Variants in DPP8 observed in about 807,000 individuals in gnomAD.
DPP8 encodes DPP VIII.
A neutral mutation model predicts 107.5 loss-of-function variants in DPP8; 31 were observed. That is an observed-to-expected ratio of 0.29 (90% CI 0.22 to 0.39). The LOEUF is 0.39. Among genes scored for constraint, DPP8 ranks in the 10% least tolerant of loss-of-function variants. The pLI is 1.00. For synonymous variants in DPP8, 381 were observed against 356.6 expected (o/e 1.07, Z -0.77); for missense variants, 842 against 1,076.1 (o/e 0.78, Z 3.04).
In DPP8 at chr15:65,517,641, C is replaced by G. The variant is rs970600200; in HGVS notation, c.-167G>C. On this transcript the variant is annotated 5_prime_UTR_variant, in exon 1 of 20. Transcript: ENST00000300141. ...AGGCGGCGAACGCGGCACTAAGAAG[C>G]AGCGGCGGCAGTAGCAGCGGCCTTG... The G allele has an allele frequency of 2.6e-5, 4 of 152,680 alleles. No homozygotes were observed. The highest frequency in any genetic ancestry group is 9.6e-5 in the African/African-American group (4 of 41,602). 9.5% of individuals were successfully genotyped at this position (152,680 alleles called of 1,614,324 possible). A position where few individuals can be genotyped will look rare whatever the true frequency, so the allele number is the denominator to read the frequency against.
At chr15:65,447,400 T>C (rs1310788705) in intron 19 of DPP8, among the ~76,000 whole-genome samples, 1 of 152,198 alleles carries the variant, frequency 6.6e-6, no homozygotes, top group African/African-American at 2.4e-5. Context: ...CTGGTTAGCA[T>C]GAATCAAGGC....
At chr15:65,470,776 G>A (rs1374112983) in intron 12 of DPP8, among the ~76,000 whole-genome samples, 3 of 151,900 alleles carry the variant, frequency 2.0e-5, no homozygotes. Flanking sequence ...AAAATTAGCT[G>A]GGCATGGTGG....
intron 6 of DPP8, 43 bp downstream of exon 6, chr15:65,490,146 A>ATACTTTAATTGACCCATAATATATTAT: frequency 1.0e-6 from 1 of 992,818 alleles, no homozygotes; most frequent in Non-Finnish European, 1.6e-6. Flanking sequence ...AATCTTAACA[A>ATACTTTAATTGACCCATAATATATTAT]TACTTTAATT....
Position 65,456,428 on chromosome 15 carries a change from C to T in DPP8, c.1972-57G>A, listed in dbSNP as rs577197031. ...ATGGAAGCATATAAAAACCCAAGAG[C>T]GGCTGGGCATTGCAAGAAATAGAAA... On this transcript the variant is annotated intron_variant, in intron 15 of 19. Transcript: ENST00000300141. 6.0e-5 allele frequency: 91 copies of T among 1,524,754 alleles called. No individual in the cohort carries two copies. The South Asian group carries it at 8.1e-4, about 14-fold the overall frequency. 94.5% of individuals were successfully genotyped at this position (1,524,754 alleles called of 1,614,324 possible).
At chr15:65,503,053 T>C (rs2069442809) in intron 3 of DPP8, among the ~76,000 whole-genome samples, 1 of 152,154 alleles carries the variant, frequency 6.6e-6, no homozygotes, top group Admixed American at 6.6e-5. Context: ...GTAATATTCA[T>C]ACAGAATTGC....
chr15:65,462,562 C>G (rs2065014100), intron 15 of DPP8, among the ~76,000 whole-genome samples: 2 of 151,960 alleles, frequency 1.3e-5, no homozygotes, highest in African/African-American at 4.8e-5. Context: ...TAAAATTTAG[C>G]AATTAACCAA....
intron 16 of DPP8, chr15:65,455,905 G>T: frequency 8.4e-7 from 1 of 1,192,848 alleles, no homozygotes; most frequent in Non-Finnish European, 1.1e-6. Context: ...TCTTCACAGA[G>T]GACAGAACAA....
At chr15:65,455,903 G>A in intron 16 of DPP8, 1 of 1,207,882 alleles carries the variant, frequency 8.3e-7, no homozygotes, top group South Asian at 1.3e-5. Context: ...CCTCTTCACA[G>A]AGGACAGAAC....
chr15:65,497,137 GC>G (rs1187132778), intron 5 of DPP8, among the ~76,000 whole-genome samples: 6 of 152,134 alleles, frequency 3.9e-5, no homozygotes, highest in Non-Finnish European at 8.8e-5. Flanking sequence ...TGATCCACCT[GC>G]CTTGGCCTCC....
At chr15:65,509,026 T>G (rs192823622) in intron 2 of DPP8, among the ~76,000 whole-genome samples, 7 of 152,334 alleles carry the variant, frequency 4.6e-5, no homozygotes, top group Non-Finnish European at 1.0e-4. Flanking sequence ...ATAACTCCCA[T>G]GCTAACCCTT....
chr15:65,451,160 G>C (rs2063945821), intron 18 of DPP8, 50 bp from the exon 19 acceptor site: 1 of 1,080,830 alleles, frequency 9.3e-7, no homozygotes, highest in African/African-American at 1.6e-5. Context: ...AGAGTATTTG[G>C]GAAAACCATT....
intron 14 of DPP8, among the ~76,000 whole-genome samples, chr15:65,465,050 T>C (rs1447939296): frequency 1.3e-5 from 2 of 152,220 alleles, no homozygotes; most frequent in African/African-American, 4.8e-5. Context: ...TAAGTGTTTG[T>C]GTACAGCAGA....
At chr15:65,491,882 G>A (rs949909452) in intron 5 of DPP8, among the ~76,000 whole-genome samples, 8 of 152,102 alleles carry the variant, frequency 5.3e-5, no homozygotes, top group East Asian at 1.9e-4. Flanking sequence ...ACAGGTGCCC[G>A]CCACGATGCC....
chr15:65,477,288 A>G (rs2066476326), intron 11 of DPP8, among the ~76,000 whole-genome samples: 1 of 152,008 alleles, frequency 6.6e-6, no homozygotes, highest in Non-Finnish European at 1.5e-5. Flanking sequence ...CCAGCTACTC[A>G]GGAGGCTGAG....
chr15:65,461,692 C>T (rs2064938755), intron 15 of DPP8, among the ~76,000 whole-genome samples: 1 of 151,738 alleles, frequency 6.6e-6, no homozygotes, highest in Non-Finnish European at 1.5e-5. Context: ...AACCCTCCAG[C>T]ACCTGGGTTC....
chr15:65,456,102 A>C, intron 16 of DPP8, 123 bp downstream of exon 16: 8 of 1,124,368 alleles, frequency 7.1e-6, no homozygotes, highest in East Asian at 2.6e-5. Context: ...AAACTCTAAC[A>C]CATACACTCT....
At chr15:65,500,373 G>T (rs925494456) in intron 4 of DPP8, among the ~76,000 whole-genome samples, 3 of 151,520 alleles carry the variant, frequency 2.0e-5, no homozygotes, top group African/African-American at 7.3e-5. Flanking sequence ...AGCCAAGACG[G>T]CACCATTGCA....
intron 8 of DPP8, among the ~76,000 whole-genome samples, chr15:65,482,837 C>G (rs1375578769): frequency 1.3e-5 from 2 of 152,000 alleles, no homozygotes; most frequent in Admixed American, 1.3e-4. Context: ...TGGCTCACAC[C>G]TGTAATCCCA....
At chr15:65,515,838 T>C (rs202170510) in intron 1 of DPP8, 22 of 719,248 alleles carry the variant, frequency 3.1e-5, no homozygotes, top group East Asian at 8.3e-5. Context: ...ATCATTAAGA[T>C]GGACCATATG....
Sources: gnomAD v4.1 joint callset for allele counts (sites outside exome capture counted in the v4.1 genomes callset) on GRCh38, gnomAD v4.1.1 for gene constraint, MANE v1.5 for transcripts, NCBI Gene and HGNC (gene_info 2026-07-23, HGNC 2026-07-21) for gene names.